FAM13C: variants seen among roughly 807,000 people sequenced by gnomAD.
The protein encoded by FAM13C is protein FAM13C.
Under a neutral mutation model 73.2 loss-of-function variants are expected in FAM13C, and 37 were observed. The observed-to-expected ratio is 0.51, with a 90% CI of 0.39 to 0.67. The LOEUF (loss-of-function observed/expected upper bound fraction) is 0.67, where lower values mean the gene tolerates loss of function less well. Ranked by LOEUF, FAM13C falls within the 30% of genes least tolerant of loss-of-function variation. The pLI, the probability that FAM13C is intolerant of heterozygous loss-of-function variation, is 0.00. For missense variants in FAM13C, 589 were observed against 715.6 expected (o/e 0.82, Z 2.02); for synonymous variants, 246 against 260.9 (o/e 0.94, Z 0.55).
intron 4 of FAM13C, among the ~76,000 whole-genome samples, chr10:59,313,721 C>A (rs1182802581): frequency 2.0e-5 from 3 of 152,188 alleles, no homozygotes; most frequent in South Asian, 2.1e-4. Flanking sequence ...ATGAAGGTAA[C>A]CTGGGCTCTG....
Position 59,270,022 on chromosome 10 carries a change from T to G in FAM13C, c.680A>C (p.Tyr227Ser), listed in dbSNP as rs529098149. 6.2e-6 allele frequency: 10 copies of G among 1,613,974 alleles called. No individual in the cohort carries two copies. Among genetic ancestry groups the G allele is most frequent in the Middle Eastern group, 1.7e-4 (1 of 6,046 alleles). ...TGGGTTATCACCATCAGTGATGTGA[T>G]AGAGCAGCCTGCTGGTCCCCACAGA... ...LHSVGTSRLL[Y>S]HITDGDNPLL... The change falls in exon 7 of 14, where the codon TAT (tyrosine) becomes TCT (serine). Residue 227 changes from tyrosine to serine, a missense_variant. Tyr to Ser is a moderately radical substitution (Grantham distance 144). Transcript: ENST00000618804.
At chr10:59,290,714 G>A (rs1301728670) in intron 5 of FAM13C, among the ~76,000 whole-genome samples, 7 of 152,096 alleles carry the variant, frequency 4.6e-5, no homozygotes, top group African/African-American at 1.2e-4. Context: ...ATGTAATTTT[G>A]TGTATTGTTT....
chr10:59,248,629 A>G (rs1589319567), intron 13 of FAM13C, among the ~76,000 whole-genome samples: 1 of 152,218 alleles, frequency 6.6e-6, no homozygotes, highest in Non-Finnish European at 1.5e-5. Context: ...GGACACAGAT[A>G]TAGTCACCAC....
At chr10:59,301,757 T>C (rs1170898728) in intron 5 of FAM13C, among the ~76,000 whole-genome samples, 1 of 152,208 alleles carries the variant, frequency 6.6e-6, no homozygotes, top group African/African-American at 2.4e-5. Flanking sequence ...ATGAGGAAGA[T>C]TGTAGAATTT....
intron 3 of FAM13C, among the ~76,000 whole-genome samples, chr10:59,337,845 A>G (rs753493376): frequency 1.3e-5 from 2 of 151,286 alleles, no homozygotes; most frequent in Non-Finnish European, 2.9e-5. Flanking sequence ...ATGCCTGTCT[A>G]ATTTTTGTAT....
intron 5 of FAM13C, among the ~76,000 whole-genome samples, chr10:59,300,360 C>CT (rs1405086751): frequency 6.6e-6 from 1 of 152,138 alleles, no homozygotes; most frequent in African/African-American, 2.4e-5. Flanking sequence ...TCAAGAAACT[C>CT]TTTTTTGGTT....
chr10:59,300,632 A>C (rs1376654444), intron 5 of FAM13C: 2 of 152,218 alleles, frequency 1.3e-5, no homozygotes, highest in Non-Finnish European at 2.9e-5. Context: ...TCTGGTCAAC[A>C]ACCAGAAACA....
chr10:59,361,710 A>G (rs1222253786), intron 1 of FAM13C, among the ~76,000 whole-genome samples: 1 of 152,156 alleles, frequency 6.6e-6, no homozygotes, highest in Admixed American at 6.6e-5. Context: ...TAAGGAAGGG[A>G]TGTCAAAAAT....
At chr10:59,348,145 A>G (rs1013891532) in intron 3 of FAM13C, among the ~76,000 whole-genome samples, 7 of 152,220 alleles carry the variant, frequency 4.6e-5, no homozygotes, top group African/African-American at 7.2e-5. Flanking sequence ...GGTGCTTTTC[A>G]GTTTCAAAGA....
At chr10:59,348,121 G>A (rs767046745) in intron 3 of FAM13C, among the ~76,000 whole-genome samples, 17 of 152,254 alleles carry the variant, frequency 1.1e-4, no homozygotes, top group East Asian at 3.9e-4. Flanking sequence ...TGGCAGTAGC[G>A]CAATATCTAT....
chr10:59,349,337 A>C (rs139729783), intron 3 of FAM13C, among the ~76,000 whole-genome samples: 1 of 152,210 alleles, frequency 6.6e-6, no homozygotes, highest in Non-Finnish European at 1.5e-5. Context: ...AACAATTGAC[A>C]CTTCAAATGA....
At chr10:59,281,160 T>C (rs1472241538) in intron 6 of FAM13C, among the ~76,000 whole-genome samples, 1 of 152,208 alleles carries the variant, frequency 6.6e-6, no homozygotes, top group Admixed American at 6.5e-5. Context: ...TGGCCATCTG[T>C]GTTCATCTTA....
intron 3 of FAM13C, among the ~76,000 whole-genome samples, chr10:59,340,323 A>G (rs1853329170): frequency 6.6e-6 from 1 of 152,156 alleles, no homozygotes; most frequent in Admixed American, 6.5e-5. Flanking sequence ...CTCTAGTGCC[A>G]GTTCCCTGCT....
chr10:59,246,513 G>T lies in FAM13C; in HGVS notation c.*1101C>A. ...GAAAATAGAAATACAAACAAGGTTG[G>T]TACATGAGAGAAAATGTTGACCTTT... On this transcript the variant is annotated 3_prime_UTR_variant, in exon 14 of 14. Transcript: ENST00000618804. 2.6e-6 allele frequency: 1 copy of T among 390,982 alleles called. No homozygotes were observed. Among genetic ancestry groups the T allele is most frequent in the Non-Finnish European group, 4.5e-6 (1 of 221,184 alleles). 24.2% of individuals were successfully genotyped at this position (390,982 alleles called of 1,614,324 possible).
In FAM13C at chr10:59,250,159, T is replaced by C. The variant is rs969050857; in HGVS notation, c.1634+1416A>G. Reference sequence around the variant, plus strand: ...ATGAAAAATTCCCATAGAATACCTTTAATCCAAAAGAGGCAGAGATCAGGA... The same window carrying C: ...ATGAAAAATTCCCATAGAATACCTTCAATCCAAAAGAGGCAGAGATCAGGA... On this transcript the variant is annotated intron_variant, in intron 13 of 13. Coordinates refer to ENST00000618804, the MANE Select transcript of FAM13C (RefSeq NM_198215.4). Among the ~76,000 whole-genome samples, 11 of 152,308 alleles carry C rather than the reference T, an allele frequency of 7.2e-5. No homozygotes were observed. The East Asian group carries it at 7.7e-4, about 11-fold the overall frequency.
chr10:59,323,719 C>T (rs1850674141), intron 4 of FAM13C, among the ~76,000 whole-genome samples: 1 of 152,164 alleles, frequency 6.6e-6, no homozygotes, highest in Non-Finnish European at 1.5e-5. Flanking sequence ...AATCAGCATT[C>T]CTCTCCAAGG....
In FAM13C at chr10:59,352,369, C is replaced by CA; in HGVS notation, c.224dup (p.Val76GlyfsTer55). The CA allele has an allele frequency of 6.2e-7, 1 of 1,614,160 alleles. No individual in the cohort carries two copies. Among genetic ancestry groups the CA allele is most frequent in the Non-Finnish European group, 8.5e-7 (1 of 1,180,036 alleles). ...TGCTGGGTCGCAATACGCTGTCCAC[C>CA]AGCACGGTCGCCTCTACATTCTGCT... On this transcript the variant is annotated frameshift_variant, in exon 3 of 14. Transcript: ENST00000618804. LOFTEE classifies it high-confidence loss of function.
intron 5 of FAM13C, among the ~76,000 whole-genome samples, chr10:59,291,464 G>A (rs551518449): frequency 8.5e-5 from 13 of 152,286 alleles, no homozygotes; most frequent in Non-Finnish European, 1.5e-4. Flanking sequence ...CTGTTCAGGA[G>A]CTCAGCCCTC....
intron 2 of FAM13C, among the ~76,000 whole-genome samples, chr10:59,352,941 G>C (rs1855263448): frequency 6.6e-6 from 1 of 152,130 alleles, no homozygotes; most frequent in Non-Finnish European, 1.5e-5. Flanking sequence ...CTGTGTTCTT[G>C]GTTCAAGGCA....
Sources: allele counts gnomAD v4.1 joint callset (sites outside exome capture counted in the v4.1 genomes callset), GRCh38; gene constraint gnomAD v4.1.1; transcripts MANE v1.5; gene names NCBI Gene and HGNC (gene_info 2026-07-23, HGNC 2026-07-21).